The following L3MBTL1 variants were observed in gnomAD, a reference collection of about 807,000 sequenced individuals.
L3MBTL1 encodes lethal(3)malignant brain tumor-like protein 1.
In L3MBTL1, 75 loss-of-function variants were observed where a neutral mutation model predicts 105.3. The ratio of observed to expected loss-of-function variants is 0.71; its 90% CI spans 0.59 to 0.86. The LOEUF is 0.86. Ranked by LOEUF, L3MBTL1 falls within the 40% of genes least tolerant of loss-of-function variation. The pLI is 0.00. For synonymous variants in L3MBTL1, 452 were observed against 436.2 expected (o/e 1.04, Z -0.45); for missense variants, 1,069 against 1,126.4 (o/e 0.95, Z 0.73).
chr20:43,509,188 T>C (rs2018068385), intron 1 of L3MBTL1, among the ~76,000 whole-genome samples: 1 of 152,118 alleles, frequency 6.6e-6, no homozygotes, highest in African/African-American at 2.4e-5. Context: ...TTTTCTTTTT[T>C]CTTTCTTTCT....
chr20:43,512,622 T>C (rs1600888901), intron 1 of L3MBTL1, among the ~76,000 whole-genome samples: 1 of 152,334 alleles, frequency 6.6e-6, no homozygotes, highest in Non-Finnish European at 1.5e-5. Flanking sequence ...GTGGCTACGG[T>C]GTTGGACAGT....
chr20:43,546,951 G>C (rs1460890493), intron 18 of L3MBTL1, among the ~76,000 whole-genome samples: 1 of 152,032 alleles, frequency 6.6e-6, no homozygotes, highest in East Asian at 1.9e-4. Flanking sequence ...TACCCAGTCT[G>C]CATTCATATT....
At position 43,532,872 on chromosome 20, in the gene L3MBTL1, G is replaced by A. The variant is rs1285650080; in HGVS notation, c.1384G>A (p.Asp462Asn). Residue 462 changes from aspartate to asparagine, a missense_variant, in exon 12 of 22, where the codon GAC becomes AAC. Physicochemically the swap from Asp to Asn is conservative, Grantham distance 23 (BLOSUM62 1). Transcript: ENST00000418998. ...VCVASVTDVV[D>N]SRFLVHFDNW... ...CGTGGCCAGTGTGACCGATGTGGTG[G>A]ACAGCCGCTTCCTGGTGCACTTTGA... 1 of 1,614,174 alleles carries A rather than the reference G, an allele frequency of 6.2e-7. No homozygotes were observed. Among genetic ancestry groups the A allele is most frequent in the Admixed American group, 1.7e-5 (1 of 60,018 alleles).
intron 6 of L3MBTL1, chr20:43,515,626 C>T (rs2018350011): frequency 1.7e-6 from 1 of 603,556 alleles, no homozygotes; most frequent in Non-Finnish European, 2.8e-6. Flanking sequence ...CCAGAGCTCC[C>T]ATCTCAGTTT....
At position 43,541,339 on chromosome 20, in the gene L3MBTL1, T is replaced by A; in HGVS notation, c.*211T>A. On this transcript the variant is annotated 3_prime_UTR_variant, in exon 22 of 22. Transcript: ENST00000418998. The stretch of plus-strand genomic sequence containing the variant: ...GTCAATTTGAGCTGTTTACTGTCTC[T>A]GAGCCTACATCTTCTTGTCTGTAAA... 5 of 884,254 alleles carry A rather than the reference T, an allele frequency of 5.7e-6. No homozygotes were observed. Among genetic ancestry groups the A allele is most frequent in the Non-Finnish European group, 8.2e-6 (5 of 610,854 alleles). 54.8% of individuals were successfully genotyped at this position (884,254 alleles called of 1,614,324 possible).
In L3MBTL1 at chr20:43,513,513, C is replaced by G; in HGVS notation, c.10C>G (p.His4Asp). The G allele has an allele frequency of 1.9e-6, 3 of 1,550,668 alleles. No homozygotes were observed. The highest frequency in any genetic ancestry group is 2.6e-6 in the Non-Finnish European group (3 of 1,146,972). ...GGAGGGGCATGCTGGGATGGAGGGG[C>G]ATGCTGAAATGGAGATGCTGAGGAC... Reference protein sequence around the residue: MEGHAEMEMLRTLK... With the variant: MEGDAEMEMLRTLK... The change falls in exon 2 of 22, where the codon CAT (histidine) becomes GAT (aspartate). Residue 4 changes from histidine (H) to aspartate (D), a missense_variant. Transcript: ENST00000418998.
At chr20:43,534,780 C>T in intron 15 of L3MBTL1, 48 bp from the exon 16 acceptor site, 1 of 1,405,538 alleles carries the variant, frequency 7.1e-7, no homozygotes, top group Non-Finnish European at 1.0e-6. Flanking sequence ...TCTGGCTGAG[C>T]TGGGCTCCAT....
At chr20:43,509,948 C>T (rs1392047428) in intron 1 of L3MBTL1, among the ~76,000 whole-genome samples, 1 of 152,172 alleles carries the variant, frequency 6.6e-6, no homozygotes, top group Non-Finnish European at 1.5e-5. Context: ...ACTGCAACCT[C>T]CACCTCCTGG....
At position 43,522,542 on chromosome 20, in the gene L3MBTL1, G is replaced by A. The variant is rs1266439363; in HGVS notation, c.863-6115G>A. Among the ~76,000 whole-genome samples the A allele has an allele frequency of 2.4e-5, 3 of 124,096 alleles. No individual in the cohort carries two copies. In the Admixed American group the frequency reaches 3.2e-4, roughly 13 times the overall value. The allele number at this position is 124,096 out of a possible 152,430, so 81.4% of individuals were successfully genotyped here. A position where few individuals can be genotyped will look rare whatever the true frequency, so the allele number is the denominator to read the frequency against. ...GCTGGAGTGCAGTGGTGCGATGTCC[G>A]CTCACTGTGACCCCCGCCTTGCAAG... is the stretch of plus-strand genomic sequence containing the variant. On this transcript the variant is annotated intron_variant, in intron 7 of 21. Transcript: ENST00000418998.
downstream of L3MBTL1, among the ~76,000 whole-genome samples, chr20:43,544,448 T>C (rs1001091877): frequency 2.0e-5 from 3 of 152,198 alleles, no homozygotes; most frequent in African/African-American, 7.2e-5. Context: ...ACCCTTTTCC[T>C]GATCATATGA....
downstream of L3MBTL1, among the ~76,000 whole-genome samples, chr20:43,545,947 G>A (rs1241215279): frequency 6.6e-6 from 1 of 152,240 alleles, no homozygotes; most frequent in Middle Eastern, 3.2e-3. Context: ...ATACAGTCCT[G>A]TTGTCGCCAC....
At chr20:43,527,877 G>A (rs1247900666) in intron 7 of L3MBTL1, among the ~76,000 whole-genome samples, 1 of 151,952 alleles carries the variant, frequency 6.6e-6, no homozygotes, top group African/African-American at 2.4e-5. Flanking sequence ...GTGCCACCAC[G>A]CCTGGATAAT....
intron 7 of L3MBTL1, among the ~76,000 whole-genome samples, chr20:43,520,839 G>A (rs1453125981): frequency 6.6e-6 from 1 of 152,332 alleles, no homozygotes; most frequent in East Asian, 1.9e-4. Flanking sequence ...ACATGGATCA[G>A]CATGCTACTT....
At chr20:43,530,661 G>C in intron 10 of L3MBTL1, 137 bp from the exon 11 acceptor site, 1 of 865,114 alleles carries the variant, frequency 1.2e-6, no homozygotes, top group Non-Finnish European at 1.9e-6. Flanking sequence ...CTTCAGTAGT[G>C]GGGAATCCCT....
At chr20:43,518,132 T>C (rs1190675544) in intron 7 of L3MBTL1, among the ~76,000 whole-genome samples, 1 of 151,714 alleles carries the variant, frequency 6.6e-6, no homozygotes, top group East Asian at 1.9e-4. Context: ...TGAATATTAG[T>C]GTGACATTTT....
chr20:43,525,080 T>C (rs1408030859), intron 7 of L3MBTL1, among the ~76,000 whole-genome samples: 1 of 148,764 alleles, frequency 6.7e-6, no homozygotes, highest in Non-Finnish European at 1.5e-5. Flanking sequence ...TAACTAGGAG[T>C]TGGAATCAGT....
chr20:43,516,780 T>A, intron 7 of L3MBTL1, among the ~76,000 whole-genome samples: 1 of 151,972 alleles, frequency 6.6e-6, no homozygotes, highest in East Asian at 1.9e-4. Flanking sequence ...TTTTTTCTTT[T>A]TTAAAATTTT....
chr20:43,523,023 A>G (rs2145418873), intron 7 of L3MBTL1, among the ~76,000 whole-genome samples: 1 of 151,768 alleles, frequency 6.6e-6, no homozygotes, highest in South Asian at 2.1e-4. Flanking sequence ...CAGGAGAATC[A>G]CTTGAACCTG....
rs2019436364 is a variant in L3MBTL1 at position 43,533,326 on chromosome 20, T to C, written c.1437-16T>C. 6.2e-6 allele frequency: 10 copies of C among 1,611,838 alleles called. No homozygotes were observed. Among genetic ancestry groups the C allele is most frequent in the African/African-American group, 1.3e-5 (1 of 74,816 alleles). ...TCAAGTTTCTCTTGGGACAGTGACA[T>C]GTTCTTGGATTTCAGGTGTGATCCC... is the stretch of plus-strand genomic sequence containing the variant. On this transcript the variant is annotated splice_polypyrimidine_tract_variant and intron_variant, in intron 12 of 21. Coordinates refer to ENST00000418998, the MANE Select transcript of L3MBTL1 (RefSeq NM_001377303.1).
Sources: gnomAD v4.1 joint callset for allele counts (sites outside exome capture counted in the v4.1 genomes callset) on GRCh38, gnomAD v4.1.1 for gene constraint, MANE v1.5 for transcripts, NCBI Gene and HGNC (gene_info 2026-07-23, HGNC 2026-07-21) for gene names.